MXI1: variants seen among roughly 807,000 people sequenced by gnomAD.
MXI1 encodes MAX interactor 1, dimerization protein, also known as max-interacting protein 1.
Under a neutral mutation model 36.9 loss-of-function variants are expected in MXI1, and 18 were observed. That is an observed-to-expected ratio of 0.49 (90% CI 0.34 to 0.72). The LOEUF (loss-of-function observed/expected upper bound fraction) is 0.72. MXI1 is among the 30% of genes least tolerant of loss of function. MXI1 has a pLI of 0.01. For missense variants in MXI1, 304 were observed against 379.1 expected (o/e 0.80, Z 1.64); for synonymous variants, 160 against 146.7 (o/e 1.09, Z -0.65).
chr10:110,227,623 G>A (rs1269118991), intron 1 of MXI1: 13 of 913,962 alleles, frequency 1.4e-5, no homozygotes, highest in South Asian at 9.8e-5. Context: ...AACACTGAGC[G>A]GGGGAAAACC....
At chr10:110,268,231 G>A (rs1427478442) in intron 3 of MXI1, among the ~76,000 whole-genome samples, 1 of 152,094 alleles carries the variant, frequency 6.6e-6, no homozygotes, top group Non-Finnish European at 1.5e-5. Flanking sequence ...ATTTTTCAGG[G>A]CTGTTCTCCT....
chr10:110,215,043 GTT>G (rs200181611), intron 1 of MXI1, among the ~76,000 whole-genome samples: 9 of 78,884 alleles, frequency 1.1e-4, no homozygotes, highest in South Asian at 7.9e-4. Flanking sequence ...TTTTTTTTTT[GTT>G]TTTTTTTTTT....
intron 2 of MXI1, among the ~76,000 whole-genome samples, chr10:110,244,512 T>A (rs1272991551): frequency 6.6e-6 from 1 of 150,916 alleles, no homozygotes; most frequent in Non-Finnish European, 1.5e-5. Flanking sequence ...TAAAATTTCT[T>A]ATATAACATC....
intron 3 of MXI1, among the ~76,000 whole-genome samples, chr10:110,262,295 G>T (rs960065442): frequency 4.6e-5 from 7 of 152,066 alleles, no homozygotes; most frequent in Admixed American, 2.6e-4. Context: ...ATCTAGAGAT[G>T]ATTTAAGGTA....
In MXI1 at chr10:110,285,139, G is replaced by T; in HGVS notation, c.*152G>T. 1 of 673,360 alleles carries T rather than the reference G, an allele frequency of 1.5e-6. No homozygotes were observed. Among genetic ancestry groups the T allele is most frequent in the Non-Finnish European group, 2.2e-6 (1 of 456,840 alleles). 41.7% of individuals were successfully genotyped at this position (673,360 alleles called of 1,614,324 possible). A position where few individuals can be genotyped will look rare whatever the true frequency, so the allele number is the denominator to read the frequency against. On this transcript the variant is annotated 3_prime_UTR_variant, in exon 6 of 6. Coordinates refer to ENST00000332674, the MANE Select transcript of MXI1 (RefSeq NM_130439.3). ...CTTGAACAAAAGGGTCAGAGGACCT[G>T]TATTTAAGCAAATACTTAGCAAAAA...
intron 3 of MXI1, among the ~76,000 whole-genome samples, chr10:110,249,774 G>A (rs1447742844): frequency 1.3e-5 from 2 of 151,954 alleles, no homozygotes; most frequent in African/African-American, 4.8e-5. Flanking sequence ...AATACTGTGG[G>A]TCATAGTCAA....
At chr10:110,216,046 A>T (rs1174572555) in intron 1 of MXI1, among the ~76,000 whole-genome samples, 1 of 152,156 alleles carries the variant, frequency 6.6e-6, no homozygotes, top group Admixed American at 6.5e-5. Context: ...AGCTGACTTG[A>T]TCTTTGTGGT....
rs1854400978 is a variant in MXI1, at chr10:110,207,865, C to T, written c.57C>T (p.Ala19=). 2 of 1,201,590 alleles carry T rather than the reference C, an allele frequency of 1.7e-6. No homozygotes were observed. The highest frequency in any genetic ancestry group is 2.1e-6 in the Non-Finnish European group (2 of 967,718). 74.4% of individuals were successfully genotyped at this position (1,201,590 alleles called of 1,614,324 possible). A position where few individuals can be genotyped will look rare whatever the true frequency, so the allele number is the denominator to read the frequency against. The part of the protein sequence containing the change: ...KEARCEGAGL[A]PAAPPAVPPA... ...CGCGCTGCGAGGGCGCGGGGCTGGCCCCCGCCGCGCCCCCGGCTGTGCCCC... is the reference window on the plus strand; with the variant it reads ...CGCGCTGCGAGGGCGCGGGGCTGGCTCCCGCCGCGCCCCCGGCTGTGCCCC... Residue 19 remains alanine, a synonymous_variant, in exon 1 of 6, where the codon GCC becomes GCT. Transcript: ENST00000332674.
rs930487399 is a variant in MXI1, at chr10:110,284,942, C to G, written c.843C>G (p.Asp281Glu). 5.6e-6 allele frequency: 9 copies of G among 1,613,774 alleles called. No homozygotes were observed. Among genetic ancestry groups the G allele is most frequent in the Non-Finnish European group, 6.8e-6 (8 of 1,179,912 alleles). The part of the protein sequence containing the change: ...DHSSLPSIGS[D>E]EGYSSASVKL... Reference sequence around the variant, plus strand: ...GCAGCCTGCCGAGTATTGGGAGTGACGAGGGTTACTCCAGTGCCAGTGTCA... The same window carrying G: ...GCAGCCTGCCGAGTATTGGGAGTGAGGAGGGTTACTCCAGTGCCAGTGTCA... Residue 281 changes from aspartate (D) to glutamate (E), a missense_variant, in exon 6 of 6, where the codon GAC (aspartate) becomes GAG (glutamate). Transcript: ENST00000332674.
At chr10:110,253,585 TTCTTTAAAAC>T (rs1251895510) in intron 3 of MXI1, among the ~76,000 whole-genome samples, 1 of 152,138 alleles carries the variant, frequency 6.6e-6, no homozygotes, top group Non-Finnish European at 1.5e-5. Context: ...TGACAGAACT[TTCTTTAAAAC>T]TCTTACCTCA....
rs748405568 is a variant in MXI1 at position 110,279,883 on chromosome 10, C to T, written c.553-31C>T. ...GTTTTATTGTTTGTACTGGACTATACACAAATGTAAAAATCATTTCATCAT... is the reference window on the plus strand; with the variant it reads ...GTTTTATTGTTTGTACTGGACTATATACAAATGTAAAAATCATTTCATCAT... On this transcript the variant is annotated intron_variant, in intron 4 of 5. Coordinates refer to ENST00000332674, the MANE Select transcript of MXI1 (RefSeq NM_130439.3). The T allele has an allele frequency of 1.5e-5, 23 of 1,571,572 alleles. No individual in the cohort carries two copies. In the Admixed American group the frequency reaches 3.1e-4, roughly 21 times the overall value.
Position 110,268,080 on chromosome 10 carries a change from T to C in MXI1, c.438-11100T>C, listed in dbSNP as rs528445212. 2.8e-4 allele frequency among the ~76,000 whole-genome samples: 42 copies of C among 152,328 alleles called. 2 individuals carry two copies. In the South Asian group the frequency reaches 8.5e-3, roughly 31 times the overall value. On this transcript the variant is annotated intron_variant, in intron 3 of 5. Transcript: ENST00000332674. ...GGAGTAGTGGTCAATATGTTCTTGC[T>C]GTTGGAATATACTTAGGCGAGAGAG...
At chr10:110,236,027 T>G (rs1855455828) in intron 2 of MXI1, among the ~76,000 whole-genome samples, 1 of 151,922 alleles carries the variant, frequency 6.6e-6, no homozygotes, top group African/African-American at 2.4e-5. Flanking sequence ...TTTTTCTCTA[T>G]TTTCTTCTAG....
At position 110,216,684 on chromosome 10, in the gene MXI1, T is replaced by TTTTC. The variant is rs1854652753; in HGVS notation, c.274+8603_274+8604insTTCT. On this transcript the variant is annotated intron_variant, in intron 1 of 5. Coordinates refer to ENST00000332674, the MANE Select transcript of MXI1 (RefSeq NM_130439.3). Reference sequence around the variant, plus strand: ...TTTAATGTTTTTTTTTTTTTTTTTTTTGGAGACAGGGTCTTGCTCTGTTAC... The same window carrying TTTTC: ...TTTAATGTTTTTTTTTTTTTTTTTTTTTTCTGGAGACAGGGTCTTGCTCTGTTAC... Among the ~76,000 whole-genome samples, 4 of 97,064 alleles carry TTTTC rather than the reference T, an allele frequency of 4.1e-5. No homozygotes were observed. In the Admixed American group the frequency reaches 4.2e-4, roughly 10 times the overall value. 63.7% of individuals were successfully genotyped at this position (97,064 alleles called of 152,430 possible).
chr10:110,210,369 C>A (rs901380141), intron 1 of MXI1: 1 of 849,486 alleles, frequency 1.2e-6, no homozygotes, highest in Non-Finnish European at 1.4e-6. Context: ...CGGCTCCCGG[C>A]GGGAGTATTT....
At chr10:110,230,057 A>G (rs1413720377) in intron 2 of MXI1, among the ~76,000 whole-genome samples, 4 of 152,308 alleles carry the variant, frequency 2.6e-5, no homozygotes, top group South Asian at 2.1e-4. Context: ...CTGAACTTCT[A>G]TGACTCTGAT....
At chr10:110,216,426 G>A in intron 1 of MXI1, among the ~76,000 whole-genome samples, 1 of 152,092 alleles carries the variant, frequency 6.6e-6, no homozygotes, top group Non-Finnish European at 1.5e-5. Context: ...CTCATGGAGT[G>A]TATTATTCCA....
chr10:110,278,455 TTAGA>T (rs1484295693), intron 3 of MXI1, among the ~76,000 whole-genome samples: 1 of 152,076 alleles, frequency 6.6e-6, no homozygotes, highest in Non-Finnish European at 1.5e-5. Context: ...GCTAGCACAC[TTAGA>T]TAGGAAGCAG....
chr10:110,239,881 C>A (rs1362439402), intron 2 of MXI1, among the ~76,000 whole-genome samples: 1 of 151,232 alleles, frequency 6.6e-6, no homozygotes, highest in Non-Finnish European at 1.5e-5. Flanking sequence ...CTTAGAAGCC[C>A]CCTCCTGACT....
Sources: gnomAD v4.1 joint callset for allele counts (sites outside exome capture counted in the v4.1 genomes callset) on GRCh38, gnomAD v4.1.1 for gene constraint, MANE v1.5 for transcripts, NCBI Gene and HGNC (gene_info 2026-07-23, HGNC 2026-07-21) for gene names.